Variants in EPHB1 observed in about 807,000 individuals in gnomAD.
EPHB1 encodes ephrin type-B receptor 1.
Under a neutral mutation model 94.4 loss-of-function variants are expected in EPHB1, and 30 were observed. The ratio of observed to expected loss-of-function variants is 0.32; its 90% CI spans 0.24 to 0.43. The LOEUF is 0.43. Among genes scored for constraint, EPHB1 ranks in the 20% least tolerant of loss-of-function variants. The probability of loss-of-function intolerance (pLI) is 1.00; values close to 1 mark genes in which losing one functional copy is unlikely to be tolerated. For synonymous variants in EPHB1, 522 were observed against 489.1 expected (o/e 1.07, Z -0.89); for missense variants, 1,055 against 1,308.3 (o/e 0.81, Z 2.99).
intron 4 of EPHB1, among the ~76,000 whole-genome samples, chr3:135,132,011 G>A (rs1021420800): frequency 1.3e-5 from 2 of 152,124 alleles, no homozygotes; most frequent in Non-Finnish European, 2.9e-5. Context: ...GGGTCTTTGG[G>A]GGGAATAAAT....
intron 10 of EPHB1, among the ~76,000 whole-genome samples, chr3:135,180,481 C>CT (rs1475537132): frequency 1.3e-5 from 2 of 152,004 alleles, no homozygotes; most frequent in Admixed American, 6.5e-5. Context: ...CTATCACCTT[C>CT]TTTTTTTTGT....
chr3:134,889,880 G>A (rs1003621966), intron 1 of EPHB1, among the ~76,000 whole-genome samples: 9 of 151,254 alleles, frequency 6.0e-5, no homozygotes, highest in East Asian at 2.0e-4. Context: ...GGGTTTCACC[G>A]TGTTAGCCAG....
chr3:135,115,015 T>G (rs1939633079), intron 4 of EPHB1, among the ~76,000 whole-genome samples: 1 of 152,180 alleles, frequency 6.6e-6, no homozygotes, highest in Non-Finnish European at 1.5e-5. Context: ...GCTAATAAAT[T>G]TTTAGAGAAA....
At chr3:135,056,625 A>T (rs1229958106) in intron 3 of EPHB1, among the ~76,000 whole-genome samples, 1 of 152,262 alleles carries the variant, frequency 6.6e-6, no homozygotes, top group East Asian at 1.9e-4. Context: ...GCAACATCAA[A>T]TCCAGAACTC....
intron 4 of EPHB1, among the ~76,000 whole-genome samples, chr3:135,107,197 C>A (rs1279271782): frequency 6.6e-6 from 1 of 152,208 alleles, no homozygotes; most frequent in Non-Finnish European, 1.5e-5. Flanking sequence ...CAGAATGCAT[C>A]TCCAAGGCAG....
At chr3:135,061,622 G>T (rs1052619071) in intron 3 of EPHB1, among the ~76,000 whole-genome samples, 2 of 150,914 alleles carry the variant, frequency 1.3e-5, no homozygotes, top group African/African-American at 2.4e-5. Context: ...TATACTTTAA[G>T]TTTTAGGGTA....
At chr3:135,113,676 C>A (rs1447859163) in intron 4 of EPHB1, among the ~76,000 whole-genome samples, 1 of 152,232 alleles carries the variant, frequency 6.6e-6, no homozygotes, top group Non-Finnish European at 1.5e-5. Context: ...TCCTTCCTCA[C>A]TCCTGGCCAT....
intron 1 of EPHB1, among the ~76,000 whole-genome samples, chr3:134,844,033 CT>C (rs1441653220): frequency 6.6e-6 from 1 of 152,148 alleles, no homozygotes; most frequent in African/African-American, 2.4e-5. Context: ...ATTTTTTCCC[CT>C]GAATGATGAT....
intron 3 of EPHB1, among the ~76,000 whole-genome samples, chr3:135,029,558 C>G (rs1189599285): frequency 6.7e-6 from 1 of 149,372 alleles, no homozygotes; most frequent in East Asian, 2.0e-4. Flanking sequence ...GGCCCCCACT[C>G]TCTTCTGGCT....
At chr3:135,016,693 C>G (rs1288896209) in intron 3 of EPHB1, among the ~76,000 whole-genome samples, 1 of 152,218 alleles carries the variant, frequency 6.6e-6, no homozygotes, top group African/African-American at 2.4e-5. Context: ...GCCAGGTGAG[C>G]CCAGGCTCCC....
intron 2 of EPHB1, among the ~76,000 whole-genome samples, chr3:134,932,494 C>G (rs1219842218): frequency 6.6e-6 from 1 of 152,152 alleles, no homozygotes; most frequent in Non-Finnish European, 1.5e-5. Context: ...TATGGAGAAG[C>G]AGTTAAGGCC....
chr3:134,868,192 C>T (rs2037420946), intron 1 of EPHB1, among the ~76,000 whole-genome samples: 1 of 152,190 alleles, frequency 6.6e-6, no homozygotes, highest in Non-Finnish European at 1.5e-5. Context: ...CTTAAGATCT[C>T]TGGTTGGCTG....
intron 3 of EPHB1, among the ~76,000 whole-genome samples, chr3:135,026,770 T>C (rs1166774488): frequency 2.9e-5 from 4 of 140,052 alleles, no homozygotes; most frequent in Non-Finnish European, 6.2e-5. Context: ...GGTAGCTTGA[T>C]GGGGATGGCA....
At chr3:134,898,251 TATC>T (rs1448702287) in intron 1 of EPHB1, among the ~76,000 whole-genome samples, 2 of 152,142 alleles carry the variant, frequency 1.3e-5, no homozygotes, top group Non-Finnish European at 2.9e-5. Context: ...TCACTCCAAA[TATC>T]ATTCCTATAA....
chr3:134,981,965 C>T (rs1277070607), intron 3 of EPHB1, among the ~76,000 whole-genome samples: 2 of 152,170 alleles, frequency 1.3e-5, no homozygotes, highest in African/African-American at 2.4e-5. Flanking sequence ...TTTTCTAAGT[C>T]TAATTTAACC....
intron 4 of EPHB1, among the ~76,000 whole-genome samples, chr3:135,123,588 GCCCAGCACCAGTGCTGGGCATGCATA>G (rs1249780849): frequency 2.0e-5 from 3 of 152,052 alleles, no homozygotes; most frequent in African/African-American, 4.8e-5. Context: ...CAAGCACCAT[GCCCAGCACCAGTGCTGGGCATGCATA>G]CCCATGTAGC....
chr3:135,148,690 T>C (rs997966703), intron 5 of EPHB1, among the ~76,000 whole-genome samples: 2 of 152,260 alleles, frequency 1.3e-5, no homozygotes, highest in Non-Finnish European at 2.9e-5. Flanking sequence ...CATTCTGTGC[T>C]CTTCCTCTGC....
intron 1 of EPHB1, among the ~76,000 whole-genome samples, chr3:134,912,952 C>T (rs1346296757): frequency 1.3e-5 from 2 of 152,152 alleles, no homozygotes; most frequent in African/African-American, 4.8e-5. Flanking sequence ...TTCCCGGTAT[C>T]AGAATGGAAA....
At chr3:135,183,945 GC>G (rs555175506) in intron 10 of EPHB1, among the ~76,000 whole-genome samples, 59 of 152,304 alleles carry the variant, frequency 3.9e-4, no homozygotes, top group African/African-American at 1.4e-3. Context: ...TAAATGCTGT[GC>G]TTGGATTGGA....
Sources: gnomAD v4.1 joint callset for allele counts (sites outside exome capture counted in the v4.1 genomes callset) on GRCh38, gnomAD v4.1.1 for gene constraint, MANE v1.5 for transcripts, NCBI Gene and HGNC (gene_info 2026-07-23, HGNC 2026-07-21) for gene names.